LRP1B: variants seen among roughly 807,000 people sequenced by gnomAD.
The protein encoded by LRP1B is LDL receptor related protein 1B.
In LRP1B, 217 loss-of-function variants were observed where a neutral mutation model predicts 556.6. The observed-to-expected ratio is 0.39, with a 90% CI of 0.35 to 0.44. The LOEUF (loss-of-function observed/expected upper bound fraction) is 0.44, where lower values mean the gene tolerates loss of function less well. Ranked by LOEUF, LRP1B falls within the 20% of genes least tolerant of loss-of-function variation. The pLI is 1.00. For missense variants in LRP1B, 5,053 were observed against 5,620.8 expected, an observed-to-expected ratio of 0.90 and a Z score of 3.23; for synonymous variants, 2,047 against 1,865.8, an observed-to-expected ratio of 1.10 and a Z score of -2.50.
chr2:141,360,924 T>G (rs1688804263), intron 3 of LRP1B, among the ~76,000 whole-genome samples: 2 of 152,218 alleles, frequency 1.3e-5, no homozygotes, highest in Admixed American at 6.5e-5. Context: ...AGTATTAAAT[T>G]GAAATATCTA....
chr2:140,437,058 T>C (rs17387292), intron 66 of LRP1B, among the ~76,000 whole-genome samples: 23,620 of 151,942 alleles, frequency 0.16, 2,307 homozygotes, highest in Non-Finnish European at 0.22. Context: ...GCTCAACGAG[T>C]GTCATATATC....
chr2:140,508,478 G>A (rs73961418), intron 52 of LRP1B, among the ~76,000 whole-genome samples: 11,224 of 152,044 alleles, frequency 0.074, 1,111 homozygotes, highest in African/African-American at 0.23. Flanking sequence ...ACATAGTGTA[G>A]GTAACACATA....
At chr2:140,483,615 C>CATATATATATATAT (rs201503377) in intron 59 of LRP1B, among the ~76,000 whole-genome samples, 10 of 88,346 alleles carry the variant, frequency 1.1e-4, no homozygotes, top group South Asian at 8.1e-4. Flanking sequence ...CACACACACA[C>CATATATATATATAT]ATATATATAT....
At chr2:141,511,169 G>A (rs967580511) in intron 2 of LRP1B, among the ~76,000 whole-genome samples, 4 of 152,104 alleles carry the variant, frequency 2.6e-5, no homozygotes, top group African/African-American at 9.7e-5. Flanking sequence ...AATATGTGGT[G>A]CAGTTATAAA....
chr2:141,380,646 A>T (rs917051370), intron 3 of LRP1B, among the ~76,000 whole-genome samples: 7 of 152,172 alleles, frequency 4.6e-5, no homozygotes, highest in Admixed American at 4.6e-4. Flanking sequence ...ACACATGTGC[A>T]TGTATTTCCC....
chr2:140,585,120 A>T (rs546033920), intron 43 of LRP1B, among the ~76,000 whole-genome samples: 1 of 152,104 alleles, frequency 6.6e-6, no homozygotes, highest in South Asian at 2.1e-4. Flanking sequence ...TTATATAGTT[A>T]TCATTCATGT....
At chr2:141,839,547 A>C (rs562339290) in intron 1 of LRP1B, among the ~76,000 whole-genome samples, 2 of 152,314 alleles carry the variant, frequency 1.3e-5, no homozygotes, top group Admixed American at 1.3e-4. Context: ...TAAATTGGTA[A>C]ACAAGGCTTG....
At chr2:140,815,870 T>C (rs1573756119) in intron 31 of LRP1B, among the ~76,000 whole-genome samples, 1 of 148,052 alleles carries the variant, frequency 6.8e-6, no homozygotes, top group Admixed American at 6.7e-5. Context: ...TGTCTCTCTT[T>C]TTTTTTTTTT....
rs1294356421 is a variant in LRP1B at position 141,699,115 on chromosome 2, C to T, written c.205+111164G>A. Among the ~76,000 whole-genome samples, 7 of 151,864 alleles carry T rather than the reference C, an allele frequency of 4.6e-5. No individual in the cohort carries two copies. The South Asian group carries it at 1.5e-3, about 32-fold the overall frequency. On this transcript the variant is annotated intron_variant, in intron 2 of 90. Transcript: ENST00000389484. ...GGTTTCTCTGTAAATAGCCTAAATC[C>T]TATTCATAAGCACGAAGAGAGAAAT...
At chr2:140,868,682 C>G (rs1378881256) in intron 25 of LRP1B, among the ~76,000 whole-genome samples, 1 of 151,768 alleles carries the variant, frequency 6.6e-6, no homozygotes, top group Non-Finnish European at 1.5e-5. Flanking sequence ...AGAAATAAGG[C>G]CAATGTATTA....
intron 1 of LRP1B, among the ~76,000 whole-genome samples, chr2:141,849,550 G>A (rs527630768): frequency 2.0e-5 from 3 of 151,354 alleles, no homozygotes; most frequent in Admixed American, 1.3e-4. Flanking sequence ...GAGAAAATAC[G>A]TGTTCATAAT....
At chr2:141,994,945 G>C (rs764583204) in intron 1 of LRP1B, among the ~76,000 whole-genome samples, 4 of 152,020 alleles carry the variant, frequency 2.6e-5, no homozygotes, top group Non-Finnish European at 5.9e-5. Context: ...AGGGGTATTA[G>C]CACATATATA....
chr2:140,797,464 A>T (rs1296026042), intron 32 of LRP1B, among the ~76,000 whole-genome samples: 2 of 152,106 alleles, frequency 1.3e-5, no homozygotes, highest in Non-Finnish European at 2.9e-5. Flanking sequence ...ATTAACTATA[A>T]CAGCTTGAAA....
chr2:141,515,880 G>A lies in LRP1B; in HGVS notation c.206-35347C>T, dbSNP rs180968736. Reference sequence around the variant, plus strand: ...TTAAGAATGTTCTCATGCATAGAACGGTGGGTTTACATCTATCAGAATGTG... The same window carrying A: ...TTAAGAATGTTCTCATGCATAGAACAGTGGGTTTACATCTATCAGAATGTG... On this transcript the variant is annotated intron_variant, in intron 2 of 90. Transcript: ENST00000389484. Among the ~76,000 whole-genome samples, 86 of 152,256 alleles carry A rather than the reference G, an allele frequency of 5.6e-4. 1 individual carries two copies. In the South Asian group the frequency reaches 0.015, roughly 27 times the overall value.
chr2:141,519,360 G>GATTATAT (rs1553526767), intron 2 of LRP1B, among the ~76,000 whole-genome samples: 1 of 68,302 alleles, frequency 1.5e-5, no homozygotes. Context: ...TTAAGTCAAT[G>GATTATAT]ATATATATAT....
intron 31 of LRP1B, among the ~76,000 whole-genome samples, chr2:140,834,268 G>A (rs1341980569): frequency 6.6e-6 from 1 of 151,992 alleles, no homozygotes; most frequent in Non-Finnish European, 1.5e-5. Context: ...AGACGGAGTC[G>A]CTCACTCTGT....
chr2:140,971,295 GC>G (rs1247595542), intron 18 of LRP1B, among the ~76,000 whole-genome samples: 1 of 152,116 alleles, frequency 6.6e-6, no homozygotes, highest in Non-Finnish European at 1.5e-5. Flanking sequence ...AAGTTATGTT[GC>G]CCCAAGCCAA....
chr2:141,523,739 T>C (rs1447820749), intron 2 of LRP1B, among the ~76,000 whole-genome samples: 1 of 152,004 alleles, frequency 6.6e-6, no homozygotes, highest in Non-Finnish European at 1.5e-5. Flanking sequence ...TTTTAGTGGC[T>C]GCCCAGAAAA....
At chr2:140,898,652 A>C (rs558916676) in intron 23 of LRP1B, 1 of 430,290 alleles carries the variant, frequency 2.3e-6, no homozygotes, top group Non-Finnish European at 4.6e-6. Flanking sequence ...TGGTCTGCCT[A>C]ATGAGATTAT....
Sources: gnomAD v4.1 joint callset for allele counts (sites outside exome capture counted in the v4.1 genomes callset) on GRCh38, gnomAD v4.1.1 for gene constraint, MANE v1.5 for transcripts, NCBI Gene and HGNC (gene_info 2026-07-23, HGNC 2026-07-21) for gene names.